Variants in ENOX1 observed in about 807,000 individuals in gnomAD.
ENOX1 encodes the protein candidate growth-related and time keeping constitutive hydroquinone (NADH) oxidase.
Under a neutral mutation model 82.5 loss-of-function variants are expected in ENOX1, and 42 were observed. That is an observed-to-expected ratio of 0.51 (90% CI 0.40 to 0.66). The LOEUF is 0.66. Among genes scored for constraint, ENOX1 ranks in the 30% least tolerant of loss-of-function variants. The pLI is 0.00. For synonymous variants in ENOX1, 271 were observed against 282.2 expected (o/e 0.96, Z 0.40); for missense variants, 608 against 811.6 (o/e 0.75, Z 3.05).
intron 2 of ENOX1, among the ~76,000 whole-genome samples, chr13:43,541,488 G>A (rs916075392): frequency 2.6e-5 from 4 of 152,040 alleles, no homozygotes; most frequent in African/African-American, 7.2e-5. Flanking sequence ...GCAAAAGTGC[G>A]AGAGCTGTTT....
intron 1 of ENOX1, among the ~76,000 whole-genome samples, chr13:43,765,193 GA>G (rs1444684477): frequency 2.0e-5 from 3 of 152,026 alleles, no homozygotes; most frequent in South Asian, 2.1e-4. Context: ...TGTATTTAGG[GA>G]GAAAAAAACT....
At chr13:43,691,744 A>C (rs2086376751) in intron 1 of ENOX1, among the ~76,000 whole-genome samples, 1 of 143,668 alleles carries the variant, frequency 7.0e-6, no homozygotes, top group Admixed American at 7.2e-5. Flanking sequence ...TCTGTCACCC[A>C]GGCTGGAGGG....
intron 5 of ENOX1, among the ~76,000 whole-genome samples, chr13:43,408,522 T>A (rs946252833): frequency 8.5e-5 from 13 of 152,296 alleles, no homozygotes; most frequent in African/African-American, 2.6e-4. Flanking sequence ...TCTGAAACAT[T>A]AAAGGCTGCC....
At chr13:43,416,258 G>T in intron 3 of ENOX1, among the ~76,000 whole-genome samples, 1 of 135,918 alleles carries the variant, frequency 7.4e-6, no homozygotes, top group Admixed American at 7.4e-5. Flanking sequence ...GGGCAGAGGT[G>T]CTCCCCATCT....
chr13:43,454,552 A>C (rs1168857291), intron 3 of ENOX1, among the ~76,000 whole-genome samples: 1 of 152,180 alleles, frequency 6.6e-6, no homozygotes, highest in Non-Finnish European at 1.5e-5. Context: ...ACTATGCAAA[A>C]TAAGGAAAAT....
At chr13:43,313,965 G>A (rs569311009) in intron 11 of ENOX1, among the ~76,000 whole-genome samples, 1 of 152,294 alleles carries the variant, frequency 6.6e-6, no homozygotes, top group South Asian at 2.1e-4. Context: ...GGACACAGCA[G>A]CTCTAGAACT....
chr13:43,496,376 T>C (rs1378079153), intron 2 of ENOX1, among the ~76,000 whole-genome samples: 1 of 151,994 alleles, frequency 6.6e-6, no homozygotes, highest in East Asian at 1.9e-4. Context: ...CAATTGGCTC[T>C]TTTTCTTTTT....
chr13:43,674,673 T>C (rs2085424840), intron 1 of ENOX1, among the ~76,000 whole-genome samples: 1 of 152,180 alleles, frequency 6.6e-6, no homozygotes, highest in South Asian at 2.1e-4. Flanking sequence ...CATGTCATTA[T>C]ACGTTTATCC....
chr13:43,669,829 A>G (rs551999539), intron 1 of ENOX1, among the ~76,000 whole-genome samples: 1 of 152,292 alleles, frequency 6.6e-6, no homozygotes, highest in South Asian at 2.1e-4. Context: ...GGAAAGAAAA[A>G]CTTTCAAAAC....
intron 8 of ENOX1, among the ~76,000 whole-genome samples, chr13:43,345,025 A>C (rs1924635): frequency 0.21 from 32,440 of 152,072 alleles, 4,353 homozygotes; most frequent in East Asian, 0.57. Context: ...CATTCTTAGG[A>C]ATAAGGTACA....
chr13:43,613,950 T>C (rs888117981), intron 2 of ENOX1, among the ~76,000 whole-genome samples: 1 of 151,608 alleles, frequency 6.6e-6, no homozygotes, highest in African/African-American at 2.4e-5. Flanking sequence ...AATAAATAAA[T>C]AAATAAAGGA....
chr13:43,544,962 G>A (rs1334296014), intron 2 of ENOX1: 1 of 152,104 alleles, frequency 6.6e-6, no homozygotes, highest in East Asian at 1.9e-4. Context: ...TGAACACAGA[G>A]GTCCGTACTT....
At chr13:43,322,267 T>G in intron 11 of ENOX1, 117 bp downstream of exon 11, 1 of 704,914 alleles carries the variant, frequency 1.4e-6, no homozygotes, top group Non-Finnish European at 2.4e-6. Flanking sequence ...CACTCAAAGA[T>G]GAAAGTTTAG....
chr13:43,530,166 A>G (rs1452597217), intron 2 of ENOX1, among the ~76,000 whole-genome samples: 1 of 152,140 alleles, frequency 6.6e-6, no homozygotes, highest in Non-Finnish European at 1.5e-5. Flanking sequence ...ATACCTATCA[A>G]CTTTCATAAA....
At chr13:43,572,791 C>T (rs780587556) in intron 2 of ENOX1, among the ~76,000 whole-genome samples, 3 of 152,224 alleles carry the variant, frequency 2.0e-5, no homozygotes, top group Admixed American at 6.5e-5. Context: ...TGAGCCACCA[C>T]AGCTTTCAGC....
chr13:43,605,987 A>G lies in ENOX1; in HGVS notation c.-219+61492T>C, dbSNP rs2081961078. On this transcript the variant is annotated intron_variant, in intron 2 of 16. Transcript: ENST00000690772. Reference sequence around the variant, plus strand: ...AGAAATCTAATAATCCAATTAAAAAATGGGCAAAAGATCTGAATAGACACT... The same window carrying G: ...AGAAATCTAATAATCCAATTAAAAAGTGGGCAAAAGATCTGAATAGACACT... Among the ~76,000 whole-genome samples the G allele has an allele frequency of 3.3e-5, 5 of 152,306 alleles. No individual in the cohort carries two copies. The South Asian group carries it at 1.0e-3, about 32-fold the overall frequency.
At chr13:43,593,498 C>T (rs2081330694) in intron 2 of ENOX1, among the ~76,000 whole-genome samples, 1 of 120,354 alleles carries the variant, frequency 8.3e-6, no homozygotes, top group African/African-American at 2.8e-5. Context: ...ACAAAGAAGC[C>T]CTTCGAAGCT....
chr13:43,781,800 C>T (rs1175703295), intron 1 of ENOX1, among the ~76,000 whole-genome samples: 2 of 152,146 alleles, frequency 1.3e-5, no homozygotes, highest in South Asian at 2.1e-4. Flanking sequence ...CGTGAGCCAC[C>T]GCGCCCGGCC....
At chr13:43,446,062 C>T (rs1048523984) in intron 3 of ENOX1, among the ~76,000 whole-genome samples, 3 of 152,112 alleles carry the variant, frequency 2.0e-5, no homozygotes, top group Non-Finnish European at 4.4e-5. Context: ...AATGCCAACC[C>T]ACAAGAAAAG....
Sources: allele counts gnomAD v4.1 joint callset (sites outside exome capture counted in the v4.1 genomes callset), GRCh38; gene constraint gnomAD v4.1.1; transcripts MANE v1.5; gene names NCBI Gene and HGNC (gene_info 2026-07-23, HGNC 2026-07-21).